C13orf42: variants seen among roughly 807,000 people sequenced by gnomAD.
C13orf42 encodes uncharacterized protein C13orf42.
intron 1 of C13orf42, among the ~76,000 whole-genome samples, chr13:51,145,358 G>GT (rs1295252092): frequency 1.3e-5 from 2 of 151,992 alleles, no homozygotes; most frequent in African/African-American, 4.8e-5. Context: ...TTTTGTTTCT[G>GT]TTTTTTCTCC....
In C13orf42 at chr13:51,160,505, G is replaced by A. The variant is rs578101961; in HGVS notation, n.136+11748C>T. On this transcript the variant is annotated intron_variant and non_coding_transcript_variant, in intron 1 of 4. Coordinates refer to the C13orf42 transcript ENST00000433280. ...GCTTGGGCAACAAGAGCAAAACTCC[G>A]TCTCAAAAATAAATAAATAAATAAA... 1.1e-3 allele frequency among the ~76,000 whole-genome samples: 172 copies of A among 152,216 alleles called. No homozygotes were observed. In the South Asian group the frequency reaches 0.013, roughly 11 times the overall value.
At chr13:51,167,583 G>A (rs1190725628) in intron 1 of C13orf42, among the ~76,000 whole-genome samples, 2 of 152,210 alleles carry the variant, frequency 1.3e-5, no homozygotes, top group Non-Finnish European at 2.9e-5. Flanking sequence ...AGTGCTGGGT[G>A]CATGGGAGGG....
chr13:51,166,255 T>C (rs911253186), intron 1 of C13orf42, among the ~76,000 whole-genome samples: 2 of 151,516 alleles, frequency 1.3e-5, no homozygotes, highest in African/African-American at 4.8e-5. Context: ...TGGAATACTA[T>C]GCAGCCATAA....
At chr13:51,142,350 CT>C (rs531380535) in intron 1 of C13orf42, among the ~76,000 whole-genome samples, 1 of 151,940 alleles carries the variant, frequency 6.6e-6, no homozygotes, top group Non-Finnish European at 1.5e-5. Context: ...TAGGTGAAAT[CT>C]TTTTTTTACT....
intron 1 of C13orf42, among the ~76,000 whole-genome samples, chr13:51,121,655 G>T (rs946087687): frequency 4.0e-5 from 6 of 151,358 alleles, no homozygotes; most frequent in African/African-American, 1.5e-4. Context: ...CCTGCCTCAG[G>T]CTCCCGAGTA....
At chr13:51,119,284 C>T (rs1234181705) in intron 1 of C13orf42, among the ~76,000 whole-genome samples, 3 of 152,082 alleles carry the variant, frequency 2.0e-5, no homozygotes, top group Non-Finnish European at 4.4e-5. Flanking sequence ...CAGTCAATAA[C>T]ACCTGGGTGC....
At chr13:51,122,529 T>A (rs1201616508) in intron 1 of C13orf42, among the ~76,000 whole-genome samples, 2 of 144,562 alleles carry the variant, frequency 1.4e-5, no homozygotes, top group African/African-American at 2.6e-5. Context: ...GCAAGAACTG[T>A]TCCAAAAAGA....
intron 1 of C13orf42, among the ~76,000 whole-genome samples, chr13:51,093,658 G>T (rs1383916494): frequency 6.6e-6 from 1 of 152,196 alleles, no homozygotes; most frequent in Non-Finnish European, 1.5e-5. Context: ...TGTTGACATC[G>T]ATTGGGGGTT....
At chr13:51,130,652 A>G (rs1219483672) in intron 1 of C13orf42, among the ~76,000 whole-genome samples, 1 of 151,690 alleles carries the variant, frequency 6.6e-6, no homozygotes, top group Non-Finnish European at 1.5e-5. Context: ...ATGGAGTTAG[A>G]CAACGGAAAG....
intron 1 of C13orf42, among the ~76,000 whole-genome samples, chr13:51,099,663 ATC>A (rs912076370): frequency 6.6e-6 from 1 of 152,128 alleles, no homozygotes; most frequent in African/African-American, 2.4e-5. Flanking sequence ...GAGGCAGAAT[ATC>A]TCTCTGTCAC....
chr13:51,089,846 A>T (rs796762513), intron 1 of C13orf42, among the ~76,000 whole-genome samples: 15 of 151,698 alleles, frequency 9.9e-5, no homozygotes, highest in African/African-American at 3.6e-4. Context: ...CAAAGAGAAC[A>T]AGAGAAAGGC....
intron 1 of C13orf42, among the ~76,000 whole-genome samples, chr13:51,129,047 T>C (rs1953596005): frequency 6.6e-6 from 1 of 152,224 alleles, no homozygotes; most frequent in Admixed American, 6.5e-5. Context: ...CTGGGGTACC[T>C]GAGCTTTAAT....
intron 1 of C13orf42, among the ~76,000 whole-genome samples, chr13:51,143,184 A>G (rs1953708825): frequency 6.6e-6 from 1 of 152,212 alleles, no homozygotes; most frequent in Admixed American, 6.5e-5. Flanking sequence ...TTAAAGCCTC[A>G]TCTTCAGGCC....
At chr13:51,110,493 G>A (rs1209324057) in intron 1 of C13orf42, among the ~76,000 whole-genome samples, 2 of 151,910 alleles carry the variant, frequency 1.3e-5, no homozygotes, top group East Asian at 3.9e-4. Context: ...TTATTACCTG[G>A]GTGACAAAAT....
intron 1 of C13orf42, among the ~76,000 whole-genome samples, chr13:51,155,067 T>C (rs1024916535): frequency 1.3e-5 from 2 of 152,304 alleles, no homozygotes; most frequent in African/African-American, 4.8e-5. Context: ...CCTCAAACCC[T>C]CAATTCTTAA....
intron 1 of C13orf42, among the ~76,000 whole-genome samples, chr13:51,167,240 A>AAC (rs112916028): frequency 2.6e-5 from 4 of 151,914 alleles, no homozygotes; most frequent in African/African-American, 7.3e-5. Context: ...AAACACATAC[A>AAC]ACACACACAC....
chr13:51,087,383 G>A (rs1488141970), intron 2 of C13orf42, among the ~76,000 whole-genome samples: 8 of 152,196 alleles, frequency 5.3e-5, no homozygotes, highest in Non-Finnish European at 7.3e-5. Flanking sequence ...AATACAGTTT[G>A]TCCATTTCAT....
intron 1 of C13orf42, among the ~76,000 whole-genome samples, chr13:51,107,308 T>A (rs1953368783): frequency 6.6e-6 from 1 of 152,194 alleles, no homozygotes; most frequent in Non-Finnish European, 1.5e-5. Flanking sequence ...GTCATGACAA[T>A]TTTTTTAAAA....
At chr13:51,138,329 G>C (rs909899442) in intron 1 of C13orf42, among the ~76,000 whole-genome samples, 1 of 152,212 alleles carries the variant, frequency 6.6e-6, no homozygotes, top group South Asian at 2.1e-4. Flanking sequence ...TTTGCGTGTA[G>C]GTTAAAATCT....
Sources: allele counts gnomAD v4.1 joint callset (sites outside exome capture counted in the v4.1 genomes callset), GRCh38; gene constraint gnomAD v4.1.1; transcripts MANE v1.5; gene names NCBI Gene and HGNC (gene_info 2026-07-23, HGNC 2026-07-21).